Variants in GABBR2 observed in about 807,000 individuals in gnomAD.
The protein encoded by GABBR2 is G-protein coupled receptor 51.
Under a neutral mutation model 105.6 loss-of-function variants are expected in GABBR2, and 23 were observed. That is an observed-to-expected ratio of 0.22 (90% CI 0.16 to 0.31). The LOEUF (loss-of-function observed/expected upper bound fraction) is 0.31, where lower values mean the gene tolerates loss of function less well. Among genes scored for constraint, GABBR2 ranks in the 10% least tolerant of loss-of-function variants. GABBR2 has a pLI of 1.00. For missense variants in GABBR2, 734 were observed against 1,245.5 expected, an observed-to-expected ratio of 0.59 and a Z score of 6.18; for synonymous variants, 478 against 499.7, an observed-to-expected ratio of 0.96 and a Z score of 0.58.
At chr9:98,498,017 G>A (rs1290591353) in intron 3 of GABBR2, among the ~76,000 whole-genome samples, 1 of 152,146 alleles carries the variant, frequency 6.6e-6, no homozygotes, top group African/African-American at 2.4e-5. Flanking sequence ...AATGAATTGT[G>A]GTGTATACAG....
intron 1 of GABBR2, among the ~76,000 whole-genome samples, chr9:98,706,109 C>CAAAAAAAAAAAAAAAAAAAAA (rs3983388): frequency 7.3e-6 from 1 of 136,996 alleles, no homozygotes. Flanking sequence ...ACAAAAAAAA[C>CAAAAAAAAAAAAAAAAAAAAA]AAAAAAAAAA....
At chr9:98,440,345 T>C (rs1233594345) in intron 7 of GABBR2, among the ~76,000 whole-genome samples, 1 of 152,196 alleles carries the variant, frequency 6.6e-6, no homozygotes, top group East Asian at 1.9e-4. Flanking sequence ...GATAAGAAAC[T>C]GAGATGAAGA....
intron 13 of GABBR2, among the ~76,000 whole-genome samples, chr9:98,344,590 G>A (rs1057417745): frequency 1.3e-5 from 2 of 152,028 alleles, no homozygotes; most frequent in African/African-American, 4.8e-5. Flanking sequence ...TTTGTGAATG[G>A]CTCTCTCTTG....
At position 98,339,570 on chromosome 9, in the gene GABBR2, G is replaced by A. The variant is rs7030616; in HGVS notation, c.1893+23145C>T. Among the ~76,000 whole-genome samples the A allele has an allele frequency of 2.4e-3, 361 of 152,338 alleles. 2 individuals carry two copies. Among genetic ancestry groups the A allele is most frequent in the African/African-American group, 8.1e-3 (337 of 41,568 alleles). On this transcript the variant is annotated intron_variant, in intron 13 of 18. Transcript: ENST00000259455. ...GTGGACCCCAGTCACAGCAGTGGAG[G>A]CAGACAGAAGTGATGGATTAGGATG...
chr9:98,363,163 T>C (rs1482956577), intron 12 of GABBR2, among the ~76,000 whole-genome samples: 9 of 152,188 alleles, frequency 5.9e-5, no homozygotes, highest in African/African-American at 1.9e-4. Flanking sequence ...CCCTATTCTT[T>C]CTATTTGGCA....
At chr9:98,650,638 G>A (rs1324249981) in intron 1 of GABBR2, among the ~76,000 whole-genome samples, 1 of 152,162 alleles carries the variant, frequency 6.6e-6, no homozygotes, top group Admixed American at 6.5e-5. Context: ...TGTACACCAT[G>A]TTCACAGCAA....
intron 6 of GABBR2, among the ~76,000 whole-genome samples, chr9:98,469,939 C>T (rs542601791): frequency 2.9e-4 from 44 of 152,300 alleles, no homozygotes; most frequent in Middle Eastern, 6.8e-3. Context: ...CTATATAGAA[C>T]GCAAATTCAA....
chr9:98,308,627 A>G (rs921373701), intron 14 of GABBR2, among the ~76,000 whole-genome samples: 3 of 152,172 alleles, frequency 2.0e-5, no homozygotes, highest in African/African-American at 4.8e-5. Context: ...GGGGAGAAGA[A>G]GAGAAGGCCA....
chr9:98,613,641 G>T (rs1829540399), intron 1 of GABBR2, among the ~76,000 whole-genome samples: 1 of 152,210 alleles, frequency 6.6e-6, no homozygotes, highest in Non-Finnish European at 1.5e-5. Context: ...TCAGTAACAA[G>T]AGACCCAAAA....
intron 3 of GABBR2, among the ~76,000 whole-genome samples, chr9:98,498,531 T>C (rs952239837): frequency 1.2e-4 from 18 of 152,230 alleles, no homozygotes; most frequent in African/African-American, 4.3e-4. Context: ...CAAAACAGAC[T>C]GTGATGGGAG....
chr9:98,320,214 A>C (rs1588099283), intron 13 of GABBR2, among the ~76,000 whole-genome samples: 1 of 151,990 alleles, frequency 6.6e-6, no homozygotes, highest in East Asian at 1.9e-4. Context: ...GCAGCCAAAA[A>C]ACACATGAAA....
chr9:98,551,182 C>G (rs1828480038), intron 2 of GABBR2, among the ~76,000 whole-genome samples: 1 of 152,140 alleles, frequency 6.6e-6, no homozygotes, highest in South Asian at 2.1e-4. Context: ...GTGCGTAGAT[C>G]ACTTGAGGTC....
At chr9:98,386,595 C>T (rs549844990) in intron 10 of GABBR2, among the ~76,000 whole-genome samples, 233 of 152,280 alleles carry the variant, frequency 1.5e-3, no homozygotes, top group Admixed American at 2.6e-3. Context: ...GTGGTGGCCT[C>T]CAGCTGCCCA....
chr9:98,522,335 TAAAAG>T (rs1407857301), intron 3 of GABBR2, among the ~76,000 whole-genome samples: 4 of 151,986 alleles, frequency 2.6e-5, no homozygotes. Context: ...AAAGATATAA[TAAAAG>T]AAAACTAATG....
intron 2 of GABBR2, among the ~76,000 whole-genome samples, chr9:98,570,097 C>G (rs1022840695): frequency 6.6e-6 from 1 of 152,174 alleles, no homozygotes; most frequent in Non-Finnish European, 1.5e-5. Flanking sequence ...AATACCTCTA[C>G]ACACATAGAG....
intron 3 of GABBR2, among the ~76,000 whole-genome samples, chr9:98,515,427 CT>C (rs757933178): frequency 6.6e-6 from 1 of 152,196 alleles, no homozygotes; most frequent in Non-Finnish European, 1.5e-5. Flanking sequence ...AATCACTGCA[CT>C]TTTTATTAGC....
chr9:98,624,835 G>A (rs542889085), intron 1 of GABBR2, among the ~76,000 whole-genome samples: 49 of 152,226 alleles, frequency 3.2e-4, no homozygotes, highest in Admixed American at 7.9e-4. Flanking sequence ...CAGGGAGGCA[G>A]CTTGCATCAA....
At chr9:98,678,292 G>A (rs1309407406) in intron 1 of GABBR2, among the ~76,000 whole-genome samples, 1 of 152,172 alleles carries the variant, frequency 6.6e-6, no homozygotes. Flanking sequence ...AAAACAACTA[G>A]AACTATCCTG....
At chr9:98,346,760 C>T (rs888689426) in intron 13 of GABBR2, among the ~76,000 whole-genome samples, 6 of 152,136 alleles carry the variant, frequency 3.9e-5, no homozygotes, top group East Asian at 1.9e-4. Flanking sequence ...CCAGTACCCA[C>T]GATTCTACCC....
Sources: allele counts gnomAD v4.1 joint callset (sites outside exome capture counted in the v4.1 genomes callset), GRCh38; gene constraint gnomAD v4.1.1; transcripts MANE v1.5; gene names NCBI Gene and HGNC (gene_info 2026-07-23, HGNC 2026-07-21).